The following CDK6 variants were observed in gnomAD, a reference collection of about 807,000 sequenced individuals.
The protein encoded by CDK6 is cyclin dependent kinase 6, also known as cyclin-dependent kinase 6.
Under a neutral mutation model 37.1 loss-of-function variants are expected in CDK6, and 6 were observed. That is an observed-to-expected ratio of 0.16 (90% CI 0.09 to 0.32). The LOEUF is 0.32. CDK6 is among the 10% of genes least tolerant of loss of function. The probability of loss-of-function intolerance (pLI) is 1.00; values close to 1 mark genes in which losing one functional copy is unlikely to be tolerated. For synonymous variants in CDK6, 160 were observed against 161.3 expected (o/e 0.99, Z 0.06); for missense variants, 224 against 418.9 (o/e 0.53, Z 4.06).
rs2116033035 is a variant in CDK6, at chr7:92,833,209, A to C, written c.115T>G (p.Phe39Val). ...ACCCGCACGCGCTTCAACGCCACGA[A>C]ACGGCCTCCGTTCTTCAAGTCGCGG... ...KARDLKNGGR[F>V]VALKRVRVQT... The change falls in exon 2 of 8, where the codon TTC (phenylalanine) becomes GTC (valine). Residue 39 changes from phenylalanine to valine, a missense_variant. By Grantham distance (50) the Phe-to-Val change is conservative. This residue lies in a region of CDK6 where 13 missense variants were observed against 43.8 expected (regional missense o/e 0.30). Coordinates refer to ENST00000424848, the MANE Select transcript of CDK6 (RefSeq NM_001145306.2). The surrounding 1 kb of genome is among the most constrained non-coding windows in gnomAD (Gnocchi z 6.1). 1.9e-6 allele frequency: 3 copies of C among 1,610,186 alleles called. No individual in the cohort carries two copies. The South Asian group carries it at 3.3e-5, about 18-fold the overall frequency.
chr7:92,715,656 T>C (rs980363413), intron 4 of CDK6, among the ~76,000 whole-genome samples: 7 of 152,134 alleles, frequency 4.6e-5, no homozygotes, highest in South Asian at 4.1e-4. Context: ...TAGAAATGCA[T>C]TGGGAAGATT....
chr7:92,654,035 T>C (rs1796635035), intron 5 of CDK6, among the ~76,000 whole-genome samples: 1 of 152,208 alleles, frequency 6.6e-6, no homozygotes, highest in South Asian at 2.1e-4. Flanking sequence ...TCATCCTTTA[T>C]GTCAATGGTT....
intron 2 of CDK6, among the ~76,000 whole-genome samples, chr7:92,812,484 C>G (rs1027299594): frequency 6.6e-6 from 1 of 151,494 alleles, no homozygotes; most frequent in Non-Finnish European, 1.5e-5. Context: ...GTGGTGTGAT[C>G]ATGGCTCACT....
chr7:92,779,660 A>G (rs1159433152), intron 2 of CDK6, among the ~76,000 whole-genome samples: 1 of 152,222 alleles, frequency 6.6e-6, no homozygotes, highest in Non-Finnish European at 1.5e-5. Context: ...CTGGCTAGCC[A>G]TCCACATCCT....
chr7:92,747,094 C>T (rs1296914114), intron 3 of CDK6, among the ~76,000 whole-genome samples: 4 of 152,120 alleles, frequency 2.6e-5, no homozygotes, highest in East Asian at 1.9e-4. Context: ...CTGAGATATA[C>T]CTTCCTATTC....
At chr7:92,784,564 AT>A (rs770971372) in intron 2 of CDK6, among the ~76,000 whole-genome samples, 12 of 152,260 alleles carry the variant, frequency 7.9e-5, no homozygotes, top group South Asian at 2.1e-4. Flanking sequence ...CATAAATATG[AT>A]GGACAAAATA....
intron 5 of CDK6, among the ~76,000 whole-genome samples, chr7:92,665,073 C>A (rs760559348): frequency 1.5e-4 from 23 of 152,146 alleles, no homozygotes; most frequent in Non-Finnish European, 2.5e-4. Context: ...GTGTGAGTCA[C>A]CACGCCTGGC....
chr7:92,735,673 G>A (rs1471538091), intron 3 of CDK6, among the ~76,000 whole-genome samples: 2 of 152,144 alleles, frequency 1.3e-5, no homozygotes, highest in Admixed American at 6.5e-5. Flanking sequence ...AACAAGGCAC[G>A]TTATACATAG....
chr7:92,773,371 A>C (rs1799766571), intron 3 of CDK6, among the ~76,000 whole-genome samples: 1 of 152,240 alleles, frequency 6.6e-6, no homozygotes. Flanking sequence ...CATGAGAAGG[A>C]AGGCCACCAA....
At chr7:92,692,202 G>A (rs963172451) in intron 4 of CDK6, among the ~76,000 whole-genome samples, 1 of 151,986 alleles carries the variant, frequency 6.6e-6, no homozygotes, top group Non-Finnish European at 1.5e-5. Flanking sequence ...GGAGGCAGAG[G>A]TTGTGGTGAG....
intron 3 of CDK6, among the ~76,000 whole-genome samples, chr7:92,731,800 G>A (rs1798657608): frequency 6.6e-6 from 1 of 151,594 alleles, no homozygotes; most frequent in Non-Finnish European, 1.5e-5. Context: ...TGAAAATGTT[G>A]GTGTTTGAGG....
chr7:92,702,808 C>T (rs977311956), intron 4 of CDK6, among the ~76,000 whole-genome samples: 3 of 152,112 alleles, frequency 2.0e-5, no homozygotes, highest in South Asian at 2.1e-4. Context: ...CATTTCTACA[C>T]GGGGGTAGCC....
chr7:92,820,441 A>AG (rs1801144050), intron 2 of CDK6, among the ~76,000 whole-genome samples: 1 of 152,144 alleles, frequency 6.6e-6, no homozygotes, highest in Non-Finnish European at 1.5e-5. Flanking sequence ...TTAGAAAAGC[A>AG]GGGAAGCCTC....
chr7:92,816,948 A>G (rs1428004780), intron 2 of CDK6, among the ~76,000 whole-genome samples: 1 of 151,936 alleles, frequency 6.6e-6, no homozygotes, highest in Non-Finnish European at 1.5e-5. Flanking sequence ...CACCCCCCCA[A>G]AAAAACCCTA....
intron 4 of CDK6, chr7:92,725,040 T>G: frequency 4.1e-6 from 4 of 985,414 alleles, no homozygotes; most frequent in Non-Finnish European, 4.8e-6. Flanking sequence ...GTATCATAAC[T>G]GTTATTTTTT....
Position 92,615,087 on chromosome 7 carries a change from T to C in CDK6, c.*53A>G. The C allele has an allele frequency of 6.2e-7, 1 of 1,600,446 alleles. No individual in the cohort carries two copies. The highest frequency in any genetic ancestry group is 8.5e-7 in the Non-Finnish European group (1 of 1,171,156). ...TGTAGGGCTTGCTGAGGGGGACCCA[T>C]AAGCCACCAAGGGTGTTCTCCGCAG... On this transcript the variant is annotated 3_prime_UTR_variant, in exon 8 of 8. Coordinates refer to ENST00000424848, the MANE Select transcript of CDK6 (RefSeq NM_001145306.2).
intron 4 of CDK6, among the ~76,000 whole-genome samples, chr7:92,717,561 T>C (rs192449018): frequency 6.6e-5 from 10 of 152,276 alleles, no homozygotes; most frequent in Non-Finnish European, 1.2e-4. Context: ...CCAGATTCTC[T>C]GTATCATACC....
chr7:92,700,759 C>G (rs1422381789), intron 4 of CDK6, among the ~76,000 whole-genome samples: 1 of 152,204 alleles, frequency 6.6e-6, no homozygotes, highest in Non-Finnish European at 1.5e-5. Flanking sequence ...GGTGGGCAAT[C>G]AGTGGAGAGG....
chr7:92,687,247 G>C (rs1377014173), intron 4 of CDK6, among the ~76,000 whole-genome samples: 3 of 152,174 alleles, frequency 2.0e-5, no homozygotes, highest in Non-Finnish European at 4.4e-5. Flanking sequence ...GTGACCAGAA[G>C]AATCTGCTTC....
Sources: gnomAD v4.1 joint callset for allele counts (sites outside exome capture counted in the v4.1 genomes callset) on GRCh38, gnomAD v4.1.1 for gene constraint, gnomAD v4.1.1 regional missense constraint, Gnocchi (gnomAD v3.1) non-coding constraint, MANE v1.5 for transcripts, NCBI Gene and HGNC (gene_info 2026-07-23, HGNC 2026-07-21) for gene names.